Variants in DNAI3 observed in about 807,000 individuals in gnomAD.
The protein encoded by DNAI3 is dynein axonemal intermediate chain 3.
In DNAI3, 83 loss-of-function variants were observed where a neutral mutation model predicts 115.5. The observed-to-expected ratio is 0.72, with a 90% CI of 0.60 to 0.86. The LOEUF (loss-of-function observed/expected upper bound fraction) is 0.86, where lower values mean the gene tolerates loss of function less well. Ranked by LOEUF, DNAI3 falls within the 40% of genes least tolerant of loss-of-function variation. The pLI is 0.00. For synonymous variants in DNAI3, 320 were observed against 347.0 expected, an observed-to-expected ratio of 0.92 and a Z score of 0.86; for missense variants, 1,004 against 1,075.8, an observed-to-expected ratio of 0.93 and a Z score of 0.93.
chr1:85,133,090 G>A lies in DNAI3; in HGVS notation c.*92G>A, dbSNP rs1656391602. On this transcript the variant is annotated 3_prime_UTR_variant, in exon 23 of 23. Coordinates refer to ENST00000294664, the MANE Select transcript of DNAI3 (RefSeq NM_145172.5). ...GCATGCTGAACATATATATATATAG[G>A]CTCATTTATAGACTTTTATTTCCCT... is the stretch of plus-strand genomic sequence containing the variant. 1.5e-6 allele frequency: 2 copies of A among 1,301,922 alleles called. No homozygotes were observed. Among genetic ancestry groups the A allele is most frequent in the East Asian group, 2.5e-5 (1 of 39,406 alleles). The allele number at this position is 1,301,922 out of a possible 1,614,324, so 80.6% of individuals were successfully genotyped here.
At chr1:85,097,868 C>G (rs1368845679) in intron 12 of DNAI3, among the ~76,000 whole-genome samples, 1 of 152,082 alleles carries the variant, frequency 6.6e-6, no homozygotes, top group East Asian at 1.9e-4. Context: ...TCAAGTTGCA[C>G]CATCTACCCA....
At chr1:85,096,556 TG>T (rs1305081572) in intron 11 of DNAI3, among the ~76,000 whole-genome samples, 1 of 150,036 alleles carries the variant, frequency 6.7e-6, no homozygotes, top group Non-Finnish European at 1.5e-5. Flanking sequence ...CAATACCGTT[TG>T]CTTTTATCTT....
At chr1:85,129,233 C>G (rs1046954527) in intron 21 of DNAI3, among the ~76,000 whole-genome samples, 2 of 151,936 alleles carry the variant, frequency 1.3e-5, no homozygotes, top group African/African-American at 4.8e-5. Flanking sequence ...TATTCTGCAC[C>G]CCCCACACTG....
rs1373722442 is a variant in DNAI3 at position 85,081,249 on chromosome 1, A to G, written c.119A>G (p.Tyr40Cys). ...NMESMGHPEI[Y>C]PLVLTTKTQE... ...TCTTTCCTAGGTCATCCAGAAATTT[A>G]TCCTTTAGTATTAACCACCAAGACC... The change falls in exon 4 of 23, where the codon TAT becomes TGT. Residue 40 changes from tyrosine (Y) to cysteine (C), a missense_variant. Around this residue, in one of 3 missense-constraint regions of DNAI3, gnomAD observed 550 missense variants for 568.1 expected, o/e 0.97. Transcript: ENST00000294664. 1.3e-6 allele frequency: 2 copies of G among 1,579,688 alleles called. No homozygotes were observed. Among genetic ancestry groups the G allele is most frequent in the Non-Finnish European group, 1.7e-6 (2 of 1,170,460 alleles).
chr1:85,082,496 A>G (rs1028254049), intron 5 of DNAI3, 92 bp downstream of exon 5: 1 of 967,310 alleles, frequency 1.0e-6, no homozygotes, highest in Non-Finnish European at 1.6e-6. Flanking sequence ...CCCAGGCTAG[A>G]GTGCAGTGGC....
chr1:85,131,459 A>AAT, intron 22 of DNAI3, among the ~76,000 whole-genome samples: 1 of 148,722 alleles, frequency 6.7e-6, no homozygotes, highest in African/African-American at 2.5e-5. Context: ...AAAAAAAAAA[A>AAT]AAAATAAAGC....
chr1:85,095,235 T>C (rs995723866), intron 10 of DNAI3, among the ~76,000 whole-genome samples: 2 of 152,198 alleles, frequency 1.3e-5, no homozygotes, highest in Non-Finnish European at 1.5e-5. Flanking sequence ...GGGTGGTGTA[T>C]AGTGTTAGAT....
Position 85,097,642 on chromosome 1 carries a change from G to C in DNAI3, c.1337G>C (p.Arg446Thr), listed in dbSNP as rs1420065952. 1 of 1,611,256 alleles carries C rather than the reference G, an allele frequency of 6.2e-7. No homozygotes were observed. The highest frequency in any genetic ancestry group is 1.3e-5 in the African/African-American group (1 of 74,842). ...NIKAGGSRSK[R>T]ATLKPMFLLE... ...AAGGCAGGTGGTAGTAGAAGTAAAAGAGCCACACTGAAGGTAAGCTTTTTA... is the reference window on the plus strand; with the variant it reads ...AAGGCAGGTGGTAGTAGAAGTAAAACAGCCACACTGAAGGTAAGCTTTTTA... The change falls in exon 12 of 23, where the codon AGA (arginine) becomes ACA (threonine). Residue 446 changes from arginine (R) to threonine (T), a missense_variant. Arg to Thr is a moderately conservative substitution (Grantham distance 71). Around this residue, in one of 3 missense-constraint regions of DNAI3, gnomAD observed 550 missense variants for 568.1 expected, o/e 0.97. Transcript: ENST00000294664.
At chr1:85,107,050 A>G (rs1274476043) in intron 14 of DNAI3, among the ~76,000 whole-genome samples, 4 of 152,248 alleles carry the variant, frequency 2.6e-5, no homozygotes, top group African/African-American at 4.8e-5. Context: ...TATACCCACT[A>G]CAATGGCTAT....
At chr1:85,090,533 T>C (rs1654941429) in intron 8 of DNAI3, among the ~76,000 whole-genome samples, 1 of 152,236 alleles carries the variant, frequency 6.6e-6, no homozygotes, top group African/African-American at 2.4e-5. Context: ...TACGTAATTC[T>C]TTTTCTCCAC....
intron 22 of DNAI3, 148 bp from the exon 23 acceptor site, chr1:85,132,707 A>G: frequency 1.3e-6 from 1 of 797,002 alleles, no homozygotes; most frequent in Non-Finnish European, 1.8e-6. Context: ...CCTCCTGCCC[A>G]CCTGCCCTCC....
At chr1:85,075,444 A>G (rs1654422464) in intron 3 of DNAI3, among the ~76,000 whole-genome samples, 1 of 152,162 alleles carries the variant, frequency 6.6e-6, no homozygotes, top group Non-Finnish European at 1.5e-5. Context: ...ACCTCAGAAC[A>G]TTATGGTGAG....
intron 3 of DNAI3, 132 bp downstream of exon 3, chr1:85,073,224 T>C: frequency 1.7e-6 from 1 of 575,648 alleles, no homozygotes; most frequent in Non-Finnish European, 2.7e-6. Context: ...TACCATTCCA[T>C]TTAGAATATA....
At chr1:85,129,109 G>A (rs530583435) in intron 21 of DNAI3, among the ~76,000 whole-genome samples, 19 of 152,194 alleles carry the variant, frequency 1.2e-4, no homozygotes, top group African/African-American at 4.6e-4. Flanking sequence ...GCTGATTTCA[G>A]TGATACCCTT....
intron 11 of DNAI3, among the ~76,000 whole-genome samples, chr1:85,096,296 T>G (rs1655122613): frequency 6.6e-6 from 1 of 151,870 alleles, no homozygotes; most frequent in Non-Finnish European, 1.5e-5. Flanking sequence ...TTGTATAAGA[T>G]TCCATGGAAG....
In DNAI3 at chr1:85,132,956, A is replaced by G; in HGVS notation, c.2634A>G (p.Leu878=). ...AGACTGTTCTTATCAACCTTGGCCT[A>G]ATCAAAGTCACAGAGAAGGGGTCAT... is the stretch of plus-strand genomic sequence containing the variant. ...LEKTVLINLG[L]IKVTEKGSYM... The change falls in exon 23 of 23, where the codon CTA becomes CTG. Residue 878 remains leucine (L), a synonymous_variant. Transcript: ENST00000294664. The G allele has an allele frequency of 6.2e-7, 1 of 1,613,750 alleles. No individual in the cohort carries two copies. Among genetic ancestry groups the G allele is most frequent in the Non-Finnish European group, 8.5e-7 (1 of 1,179,866 alleles).
Position 85,081,274 on chromosome 1 carries a change from C to T in DNAI3, c.144C>T (p.Thr48=), listed in dbSNP as rs1223575516. The T allele has an allele frequency of 3.8e-6, 6 of 1,599,968 alleles. No individual in the cohort carries two copies. The highest frequency in any genetic ancestry group is 1.1e-5 in the South Asian group (1 of 88,118). Residue 48 remains threonine, a synonymous_variant, in exon 4 of 23, where the codon ACC becomes ACT. Transcript: ENST00000294664. ...ATCCTTTAGTATTAACCACCAAGAC[C>T]CAAGAAATATTTAACTGCCGAATAG... ...EIYPLVLTTK[T]QEIFNCRIDE...
In DNAI3 at chr1:85,082,372, G is replaced by A; in HGVS notation, c.358G>A (p.Ala120Thr). The A allele has an allele frequency of 3.7e-6, 6 of 1,613,796 alleles. No individual in the cohort carries two copies. The highest frequency in any genetic ancestry group is 5.1e-6 in the Non-Finnish European group (6 of 1,179,812). Residue 120 changes from alanine (A) to threonine (T), a missense_variant, in exon 5 of 23, where the codon GCA (alanine) becomes ACA (threonine). This residue lies in a region of DNAI3 where 550 missense variants were observed against 568.1 expected (regional missense o/e 0.97). Transcript: ENST00000294664. The stretch of plus-strand genomic sequence containing the variant: ...ATATGGACTTAACTTTTATCTTATT[G>A]CAACTGAAGAGGGCAAAGAAAACTA... ...FKYGLNFYLI[A>T]TEEGKENYLN...
At chr1:85,086,143 G>A in intron 7 of DNAI3, 113 bp downstream of exon 7, 2 of 944,604 alleles carry the variant, frequency 2.1e-6, no homozygotes, top group Non-Finnish European at 3.2e-6. Context: ...TAATGATGAT[G>A]ACACATAGAT....
Sources: allele counts gnomAD v4.1 joint callset (sites outside exome capture counted in the v4.1 genomes callset), GRCh38; gene constraint gnomAD v4.1.1; regional missense constraint gnomAD v4.1.1; transcripts MANE v1.5; gene names NCBI Gene and HGNC (gene_info 2026-07-23, HGNC 2026-07-21).